SMG6: variants seen among roughly 807,000 people sequenced by gnomAD.
SMG6 encodes the protein SMG6 nonsense mediated mRNA decay factor.
SMG6 carries 66 observed loss-of-function variants against 142.2 expected under a neutral mutation model. The observed-to-expected ratio is 0.46, with a 90% CI of 0.38 to 0.57. SMG6 has a LOEUF of 0.57. SMG6 is among the 20% of genes least tolerant of loss of function. The pLI, the probability that SMG6 is intolerant of heterozygous loss-of-function variation, is 0.00. For synonymous variants in SMG6, 779 were observed against 702.4 expected, an observed-to-expected ratio of 1.11 and a Z score of -1.72; for missense variants, 1,793 against 1,832.0, an observed-to-expected ratio of 0.98 and a Z score of 0.39.
chr17:2,162,519 A>G (rs1319022248), intron 13 of SMG6, among the ~76,000 whole-genome samples: 14 of 11,704 alleles, frequency 1.2e-3, no homozygotes, highest in East Asian at 8.1e-3. Flanking sequence ...CCATCTCAGA[A>G]AAAAAAAAAA....
At chr17:2,096,489 G>A (rs2068859220) in intron 13 of SMG6, among the ~76,000 whole-genome samples, 1 of 152,148 alleles carries the variant, frequency 6.6e-6, no homozygotes, top group African/African-American at 2.4e-5. Context: ...GATTACAGGC[G>A]TGAGCCACTG....
At chr17:2,245,314 G>A (rs774204700) in intron 8 of SMG6, among the ~76,000 whole-genome samples, 4 of 152,218 alleles carry the variant, frequency 2.6e-5, no homozygotes, top group Non-Finnish European at 4.4e-5. Flanking sequence ...ACAGTAGCAA[G>A]CTATGACTAT....
Position 2,067,138 on chromosome 17 carries a change from C to T in SMG6, c.3836-1459G>A, listed in dbSNP as rs531048813. 2.0e-4 allele frequency among the ~76,000 whole-genome samples: 30 copies of T among 152,312 alleles called. 1 individual carries two copies. The highest frequency in any genetic ancestry group is 6.7e-4 in the African/African-American group (28 of 41,554). On this transcript the variant is annotated intron_variant, in intron 16 of 18. Coordinates refer to ENST00000263073, the MANE Select transcript of SMG6 (RefSeq NM_017575.5). ...TATGGCTGTAGCACAACTGTCAGTT[C>T]CCAGCACCCTTAGGCGTCGTCTCTT...
rs752666466 is a variant in SMG6 at position 2,299,903 on chromosome 17, C to G, written c.850G>C (p.Asp284His). Reference sequence around the variant, plus strand: ...AGTCGTGGCCTCTCCTTGGTCCTATCCTGTCGGCGGCGGCGACATCCATTA... The same window carrying G: ...AGTCGTGGCCTCTCCTTGGTCCTATGCTGTCGGCGGCGGCGACATCCATTA... ...TDNGCRRRRQ[D>H]RTKERPRLKK... Residue 284 changes from aspartate to histidine, a missense_variant, in exon 2 of 19, where the codon GAT (aspartate) becomes CAT (histidine). This residue lies in a region of SMG6 where 1,597 missense variants were observed against 1,584.6 expected (regional missense o/e 1.01). Transcript: ENST00000263073. The surrounding 1 kb of genome is among the most constrained non-coding windows in gnomAD (Gnocchi z 4.3). 1.2e-6 allele frequency: 2 copies of G among 1,614,182 alleles called. No homozygotes were observed. Among genetic ancestry groups the G allele is most frequent in the Non-Finnish European group, 1.7e-6 (2 of 1,180,026 alleles).
intron 6 of SMG6, among the ~76,000 whole-genome samples, chr17:2,291,866 A>AC (rs1217831933): frequency 6.6e-6 from 1 of 151,310 alleles, no homozygotes. Flanking sequence ...AAAAAAAAAA[A>AC]AAAAAGAGAG....
intron 13 of SMG6, among the ~76,000 whole-genome samples, chr17:2,119,923 A>G (rs894519739): frequency 6.6e-6 from 1 of 152,094 alleles, no homozygotes; most frequent in African/African-American, 2.4e-5. Flanking sequence ...CGGCCTCCCA[A>G]AGTGCTGATA....
At chr17:2,296,877 G>A (rs1406802240) in intron 4 of SMG6, among the ~76,000 whole-genome samples, 1 of 151,912 alleles carries the variant, frequency 6.6e-6, no homozygotes, top group Admixed American at 6.6e-5. Context: ...CACCTGTAAC[G>A]CCAGCTACTC....
At chr17:2,169,381 A>G (rs980605091) in intron 13 of SMG6, among the ~76,000 whole-genome samples, 7 of 152,126 alleles carry the variant, frequency 4.6e-5, no homozygotes, top group Admixed American at 4.6e-4. Context: ...GAAATACTGT[A>G]CAGAAGTACC....
intron 12 of SMG6, among the ~76,000 whole-genome samples, chr17:2,178,681 T>G (rs904582923): frequency 1.3e-5 from 2 of 152,134 alleles, no homozygotes; most frequent in African/African-American, 4.8e-5. Flanking sequence ...GGTCGGCGCC[T>G]TATTTGATTT....
chr17:2,129,809 A>AAAG (rs2070045780), intron 13 of SMG6, among the ~76,000 whole-genome samples: 1 of 150,528 alleles, frequency 6.6e-6, no homozygotes, highest in Non-Finnish European at 1.5e-5. Flanking sequence ...AAAAAAAAAA[A>AAAG]AAAAAAAAAA....
Position 2,236,649 on chromosome 17 carries a change from G to A in SMG6, c.2724-12C>T, listed in dbSNP as rs1434219360. The A allele has an allele frequency of 6.2e-7, 1 of 1,604,956 alleles. No individual in the cohort carries two copies. Among genetic ancestry groups the A allele is most frequent in the South Asian group, 1.1e-5 (1 of 90,004 alleles). On this transcript the variant is annotated splice_polypyrimidine_tract_variant and intron_variant, in intron 9 of 18. Coordinates refer to ENST00000263073, the MANE Select transcript of SMG6 (RefSeq NM_017575.5). ...GGAATGTCTCCATCCTGCAGATTCA[G>A]AAAACCCATCAATGAGGCACCTCTC...
At chr17:2,154,532 T>C (rs2070943072) in intron 13 of SMG6, among the ~76,000 whole-genome samples, 1 of 152,198 alleles carries the variant, frequency 6.6e-6, no homozygotes, top group Non-Finnish European at 1.5e-5. Context: ...TACAAAGGTA[T>C]GAAATCTCAG....
intron 13 of SMG6, among the ~76,000 whole-genome samples, chr17:2,150,052 C>G (rs1440674224): frequency 6.6e-6 from 1 of 152,160 alleles, no homozygotes; most frequent in Admixed American, 6.5e-5. Context: ...GGTTGTGGAC[C>G]GTGGTACCAG....
At chr17:2,211,054 GAT>G (rs1313322376) in intron 10 of SMG6, among the ~76,000 whole-genome samples, 1 of 148,940 alleles carries the variant, frequency 6.7e-6, no homozygotes, top group Non-Finnish European at 1.5e-5. Flanking sequence ...CAGTCAAACC[GAT>G]GGACTTTCAA....
intron 13 of SMG6, among the ~76,000 whole-genome samples, chr17:2,111,969 T>C (rs1222897028): frequency 6.6e-6 from 1 of 152,148 alleles, no homozygotes; most frequent in Non-Finnish European, 1.5e-5. Context: ...GGACCACAAA[T>C]ACAGTATCTT....
intron 12 of SMG6, among the ~76,000 whole-genome samples, chr17:2,173,387 GCAAT>G (rs367560947): frequency 2.6e-5 from 4 of 152,056 alleles, no homozygotes; most frequent in African/African-American, 4.8e-5. Context: ...ATATAGGCAG[GCAAT>G]CAATCAATCA....
chr17:2,185,074 G>T (rs1476553561), intron 12 of SMG6, among the ~76,000 whole-genome samples: 3 of 149,542 alleles, frequency 2.0e-5, no homozygotes, highest in African/African-American at 7.4e-5. Context: ...CCCATACAGA[G>T]ATATATATAC....
At chr17:2,112,427 G>A (rs1295680951) in intron 13 of SMG6, among the ~76,000 whole-genome samples, 1 of 151,542 alleles carries the variant, frequency 6.6e-6, no homozygotes, top group Non-Finnish European at 1.5e-5. Flanking sequence ...AGAATGGCAT[G>A]AACCCGGGAG....
intron 13 of SMG6, among the ~76,000 whole-genome samples, chr17:2,159,489 TTAC>T (rs1188830016): frequency 6.6e-6 from 1 of 152,108 alleles, no homozygotes; most frequent in Non-Finnish European, 1.5e-5. Context: ...TACTTCACAC[TTAC>T]TAGCATGTCT....
Sources: gnomAD v4.1 joint callset for allele counts (sites outside exome capture counted in the v4.1 genomes callset) on GRCh38, gnomAD v4.1.1 for gene constraint, gnomAD v4.1.1 regional missense constraint, Gnocchi (gnomAD v3.1) non-coding constraint, MANE v1.5 for transcripts, NCBI Gene and HGNC (gene_info 2026-07-23, HGNC 2026-07-21) for gene names.